The following ANKRD22 variants were observed in gnomAD, a reference collection of about 807,000 sequenced individuals.
ANKRD22 encodes the protein ankyrin repeat domain-containing protein 22.
In ANKRD22, 24 loss-of-function variants were observed where a neutral mutation model predicts 25.7. That is an observed-to-expected ratio of 0.93 (90% CI 0.68 to 1.31). The LOEUF (loss-of-function observed/expected upper bound fraction) is 1.31, where lower values mean the gene tolerates loss of function less well. Ranked by LOEUF, ANKRD22 falls within the 50% of genes most tolerant of loss-of-function variation. The probability of loss-of-function intolerance (pLI) is 0.00; values close to 1 mark genes in which losing one functional copy is unlikely to be tolerated. For missense variants in ANKRD22, 214 were observed against 227.1 expected, an observed-to-expected ratio of 0.94 and a Z score of 0.37; for synonymous variants, 84 against 84.3, an observed-to-expected ratio of 1.00 and a Z score of 0.02.
At chr10:88,828,404 C>T (rs1029025) in intron 3 of ANKRD22, among the ~76,000 whole-genome samples, 155 bp downstream of exon 3, 105,605 of 151,792 alleles carry the variant, frequency 0.7, 38,293 homozygotes, top group South Asian at 0.85. Flanking sequence ...TCAATTATAG[C>T]ATTGGATGTA....
chr10:88,826,416 C>A (rs1473714329), intron 3 of ANKRD22, among the ~76,000 whole-genome samples: 1 of 152,212 alleles, frequency 6.6e-6, no homozygotes, highest in Non-Finnish European at 1.5e-5. Context: ...CTGTCTTTCC[C>A]TTCCTGGCTC....
rs1306021741 is a variant in ANKRD22 at position 88,820,869 on chromosome 10, G to A, written c.*2072C>T. On this transcript the variant is annotated 3_prime_UTR_variant, in exon 6 of 6. Transcript: ENST00000371930. ...CAAATTGGGACAGATATTGAGGTCT[G>A]GAGTCTGTGGATTATTGTTGACTTT... Among the ~76,000 whole-genome samples the A allele has an allele frequency of 6.6e-6, 1 of 152,112 alleles. No individual in the cohort carries two copies. The highest frequency in any genetic ancestry group is 2.4e-5 in the African/African-American group (1 of 41,426).
chr10:88,847,970 C>A (rs2133083383), intron 1 of ANKRD22, among the ~76,000 whole-genome samples: 2 of 151,744 alleles, frequency 1.3e-5, no homozygotes, highest in Middle Eastern at 6.8e-3. Context: ...CTGGGAAATT[C>A]TTTTTTCTCT....
At chr10:88,830,443 T>G (rs1219398680) in intron 2 of ANKRD22, among the ~76,000 whole-genome samples, 2 of 152,228 alleles carry the variant, frequency 1.3e-5, no homozygotes, top group African/African-American at 4.8e-5. Context: ...TTTAAGGTGT[T>G]TGTTTGTTTA....
chr10:88,826,288 G>C (rs1403421377), intron 3 of ANKRD22, among the ~76,000 whole-genome samples, 173 bp from the exon 4 acceptor site: 5 of 151,998 alleles, frequency 3.3e-5, no homozygotes, highest in African/African-American at 1.2e-4. Flanking sequence ...ATTAATTAAA[G>C]CCAGGTTCTC....
At chr10:88,837,393 C>T (rs1030710825) in intron 1 of ANKRD22, among the ~76,000 whole-genome samples, 4 of 152,026 alleles carry the variant, frequency 2.6e-5, no homozygotes, top group African/African-American at 9.7e-5. Context: ...TGAAGATGGA[C>T]AGGAGTGGTT....
chr10:88,835,402 A>C (rs555536064), intron 1 of ANKRD22, among the ~76,000 whole-genome samples: 22 of 152,298 alleles, frequency 1.4e-4, no homozygotes, highest in African/African-American at 5.1e-4. Flanking sequence ...CGTTCTGAGA[A>C]ATGTGTTGTT....
At chr10:88,823,247 A>C (rs758699447) in intron 5 of ANKRD22, 33 bp downstream of exon 5, 1 of 1,553,156 alleles carries the variant, frequency 6.4e-7, no homozygotes, top group South Asian at 1.1e-5. Context: ...CTGCTGCTAG[A>C]GGAACCTCAG....
chr10:88,843,320 A>G (rs1163018049), intron 1 of ANKRD22, among the ~76,000 whole-genome samples: 1 of 152,126 alleles, frequency 6.6e-6, no homozygotes, highest in South Asian at 2.1e-4. Context: ...CCTTGTTTTA[A>G]GCATAATATG....
At chr10:88,848,829 A>T (rs1844077351) in intron 1 of ANKRD22, among the ~76,000 whole-genome samples, 1 of 152,130 alleles carries the variant, frequency 6.6e-6, no homozygotes, top group Non-Finnish European at 1.5e-5. Flanking sequence ...CCTCAACTGT[A>T]CCAGCTTTTC....
At chr10:88,825,966 C>A in intron 4 of ANKRD22, 72 bp downstream of exon 4, 1 of 1,270,644 alleles carries the variant, frequency 7.9e-7, no homozygotes, top group Admixed American at 2.1e-5. Flanking sequence ...AGCAACTGTA[C>A]AGATGACAAA....
rs1417650619 is a variant in ANKRD22 at position 88,820,263 on chromosome 10, T to A, written c.*2678A>T. 1.9e-6 allele frequency: 3 copies of A among 1,551,640 alleles called. No individual in the cohort carries two copies. The highest frequency in any genetic ancestry group is 2.6e-6 in the Non-Finnish European group (3 of 1,147,024). On this transcript the variant is annotated 3_prime_UTR_variant, in exon 6 of 6. Coordinates refer to ENST00000371930, the MANE Select transcript of ANKRD22 (RefSeq NM_144590.3). Reference sequence around the variant, plus strand: ...CCTGTAAGGTACAGAGTCAGAGATATGACGGTCCCTACAGCAATGTGGACA... The same window carrying A: ...CCTGTAAGGTACAGAGTCAGAGATAAGACGGTCCCTACAGCAATGTGGACA...
At chr10:88,836,959 C>T (rs1843959801) in intron 1 of ANKRD22, among the ~76,000 whole-genome samples, 1 of 152,150 alleles carries the variant, frequency 6.6e-6, no homozygotes, top group Non-Finnish European at 1.5e-5. Context: ...AATACAGAGG[C>T]CTGAGCACAT....
intron 1 of ANKRD22, among the ~76,000 whole-genome samples, chr10:88,846,627 T>A (rs1344987879): frequency 6.6e-6 from 1 of 152,178 alleles, no homozygotes; most frequent in Admixed American, 6.5e-5. Context: ...GTTAGCATGA[T>A]AATGGACTAG....
intron 1 of ANKRD22, among the ~76,000 whole-genome samples, chr10:88,842,011 GTC>G (rs1844007564): frequency 6.6e-6 from 1 of 152,024 alleles, no homozygotes; most frequent in Non-Finnish European, 1.5e-5. Context: ...TTTCTACACT[GTC>G]TTATTCTTAA....
At chr10:88,845,178 TC>T (rs888507555) in intron 1 of ANKRD22, among the ~76,000 whole-genome samples, 24 of 152,148 alleles carry the variant, frequency 1.6e-4, no homozygotes, top group African/African-American at 5.8e-4. Flanking sequence ...AAAATGTGTT[TC>T]CCCCTCAACC....
At chr10:88,846,768 A>T (rs1388408290) in intron 1 of ANKRD22, among the ~76,000 whole-genome samples, 1 of 152,130 alleles carries the variant, frequency 6.6e-6, no homozygotes, top group Non-Finnish European at 1.5e-5. Context: ...CTGATTGCCC[A>T]CAAGGCCTGT....
At chr10:88,833,450 C>T (rs1234962905) in intron 1 of ANKRD22, among the ~76,000 whole-genome samples, 2 of 152,030 alleles carry the variant, frequency 1.3e-5, no homozygotes, top group African/African-American at 4.8e-5. Context: ...GGAAATAGGA[C>T]AGAGACACAC....
Position 88,851,578 on chromosome 10 carries a change from G to GTGA in ANKRD22, c.21+6_21+8dup. 7 of 1,613,290 alleles carry GTGA rather than the reference G, an allele frequency of 4.3e-6. No homozygotes were observed. Among genetic ancestry groups the GTGA allele is most frequent in the Non-Finnish European group, 5.9e-6 (7 of 1,179,468 alleles). ...TCTTTGGAACTCTGCTTTCAGAAAG[G>GTGA]TGATGTACCTCAGAGTATAGGATTC... On this transcript the variant is annotated intron_variant, in intron 1 of 5. Coordinates refer to ENST00000371930, the MANE Select transcript of ANKRD22 (RefSeq NM_144590.3).
Sources: gnomAD v4.1 joint callset for allele counts (sites outside exome capture counted in the v4.1 genomes callset) on GRCh38, gnomAD v4.1.1 for gene constraint, MANE v1.5 for transcripts, NCBI Gene and HGNC (gene_info 2026-07-23, HGNC 2026-07-21) for gene names.